The following BIRC6 variants were observed in gnomAD, a reference collection of about 807,000 sequenced individuals.
BIRC6 encodes the protein dual E2 ubiquitin-conjugating enzyme/E3 ubiquitin-protein ligase BIRC6.
Under a neutral mutation model 503.3 loss-of-function variants are expected in BIRC6, and 98 were observed. The observed-to-expected ratio is 0.19, with a 90% CI of 0.17 to 0.23. BIRC6 has a LOEUF of 0.23. BIRC6 is among the 10% of genes least tolerant of loss of function. BIRC6 has a pLI of 1.00. For missense variants in BIRC6, 5,360 were observed against 5,806.0 expected, an observed-to-expected ratio of 0.92 and a Z score of 2.50; for synonymous variants, 2,240 against 2,078.7, an observed-to-expected ratio of 1.08 and a Z score of -2.11.
chr2:32,530,075 G>T (rs931345114), intron 60 of BIRC6, among the ~76,000 whole-genome samples: 1 of 152,164 alleles, frequency 6.6e-6, no homozygotes, highest in Non-Finnish European at 1.5e-5. Context: ...TGAGAGCTAT[G>T]TGAATTGTCA....
intron 59 of BIRC6, 177 bp from the exon 60 acceptor site, chr2:32,529,474 T>C (rs1001553617): frequency 1.9e-6 from 1 of 533,664 alleles, no homozygotes; most frequent in Non-Finnish European, 3.2e-6. Flanking sequence ...CATTATTATA[T>C]GTCAGAAATA....
At chr2:32,468,325 C>G in intron 28 of BIRC6, 112 bp from the exon 29 acceptor site, 1 of 1,056,650 alleles carries the variant, frequency 9.5e-7, no homozygotes, top group Non-Finnish European at 1.3e-6. Context: ...GTGGGTAATT[C>G]TTTTTAATGG....
intron 3 of BIRC6, among the ~76,000 whole-genome samples, chr2:32,386,067 C>A (rs538250737): frequency 6.6e-6 from 1 of 152,114 alleles, no homozygotes; most frequent in African/African-American, 2.4e-5. Flanking sequence ...GACCAATCAG[C>A]GTGCTGTCAT....
chr2:32,468,223 A>T, intron 28 of BIRC6, 112 bp downstream of exon 28: 2 of 1,159,198 alleles, frequency 1.7e-6, no homozygotes, highest in African/African-American at 3.1e-5. Flanking sequence ...TAAGAGAGCA[A>T]GAGGAAGTAG....
chr2:32,545,329 C>T (rs2057982095), intron 62 of BIRC6, among the ~76,000 whole-genome samples: 1 of 152,090 alleles, frequency 6.6e-6, no homozygotes, highest in Non-Finnish European at 1.5e-5. Context: ...ACTACTAATG[C>T]TTCTTTTCTA....
chr2:32,380,433 T>C, intron 3 of BIRC6, 143 bp downstream of exon 3: 1 of 1,205,794 alleles, frequency 8.3e-7, no homozygotes, highest in Non-Finnish European at 1.1e-6. Flanking sequence ...ATAAGTCATC[T>C]TAAAGTTGAA....
At chr2:32,530,983 T>C (rs566215574) in intron 60 of BIRC6, among the ~76,000 whole-genome samples, 1 of 152,370 alleles carries the variant, frequency 6.6e-6, no homozygotes, top group East Asian at 1.9e-4. Context: ...TGAGAACTTA[T>C]TTATTTTAAC....
At chr2:32,601,756 A>G (rs899871223) in intron 70 of BIRC6, among the ~76,000 whole-genome samples, 9 of 152,208 alleles carry the variant, frequency 5.9e-5, no homozygotes, top group African/African-American at 2.2e-4. Flanking sequence ...ACAGGTGCAG[A>G]TTAAGTGTCC....
intron 65 of BIRC6, among the ~76,000 whole-genome samples, chr2:32,570,100 T>C (rs1238615745): frequency 6.6e-6 from 1 of 152,180 alleles, no homozygotes; most frequent in Non-Finnish European, 1.5e-5. Context: ...GTTCCTTCTA[T>C]GCCCAGTTTA....
At position 32,490,280 on chromosome 2, in the gene BIRC6, G is replaced by A. The variant is rs759591532; in HGVS notation, c.8206+129G>A. On this transcript the variant is annotated intron_variant, in intron 43 of 73. Coordinates refer to ENST00000421745, the MANE Select transcript of BIRC6 (RefSeq NM_016252.4). Reference sequence around the variant, plus strand: ...GTGGTTGAGTTGGCCAGATGTGGTGGCTCACGCCTGTAAACCCAGCACTTT... The same window carrying A: ...GTGGTTGAGTTGGCCAGATGTGGTGACTCACGCCTGTAAACCCAGCACTTT... 16 of 765,544 alleles carry A rather than the reference G, an allele frequency of 2.1e-5. No individual in the cohort carries two copies. The East Asian group carries it at 4.0e-4, about 19-fold the overall frequency. The allele number at this position is 765,544 out of a possible 1,614,324, so 47.4% of individuals were successfully genotyped here. A position where few individuals can be genotyped will look rare whatever the true frequency, so the allele number is the denominator to read the frequency against.
intron 2 of BIRC6, among the ~76,000 whole-genome samples, chr2:32,378,058 A>G (rs569907539): frequency 2.1e-4 from 32 of 152,252 alleles, no homozygotes; most frequent in East Asian, 3.9e-4. Context: ...CTTGTTTCCA[A>G]TAATAGTCCA....
At chr2:32,599,150 G>A (rs1203003509) in intron 69 of BIRC6, among the ~76,000 whole-genome samples, 1 of 151,404 alleles carries the variant, frequency 6.6e-6, no homozygotes, top group Admixed American at 6.6e-5. Context: ...CTGATGTGGT[G>A]AAACCTCATC....
intron 4 of BIRC6, 76 bp downstream of exon 4, chr2:32,389,019 A>T: frequency 1.0e-6 from 1 of 990,176 alleles, no homozygotes; most frequent in Non-Finnish European, 1.3e-6. Flanking sequence ...ATAACTAGAA[A>T]ATCTGGTTAT....
Position 32,583,737 on chromosome 2 carries a change from T to A in BIRC6, c.13355+8371T>A, listed in dbSNP as rs2710634. On this transcript the variant is annotated intron_variant, in intron 66 of 73. Coordinates refer to ENST00000421745, the MANE Select transcript of BIRC6 (RefSeq NM_016252.4). ...TATAATGCTAAAACGTATTGTAATT[T>A]TTTTTCCCCCTGAGACAGTCTCTCA... 7.9e-5 allele frequency among the ~76,000 whole-genome samples: 12 copies of A among 152,012 alleles called. No individual in the cohort carries two copies. The East Asian group carries it at 2.1e-3, about 27-fold the overall frequency.
chr2:32,475,159 T>A (rs1331361650), intron 33 of BIRC6, among the ~76,000 whole-genome samples: 7 of 114,254 alleles, frequency 6.1e-5, no homozygotes, highest in African/African-American at 1.8e-4. Context: ...AAGACTATCT[T>A]AAAAAAAAAA....
chr2:32,436,332 C>A, intron 15 of BIRC6, 148 bp downstream of exon 15: 1 of 675,380 alleles, frequency 1.5e-6, no homozygotes, highest in Non-Finnish European at 2.2e-6. Flanking sequence ...GAGGTCATTT[C>A]CTGTCATAAA....
chr2:32,464,705 A>G lies in BIRC6; in HGVS notation c.5138A>G (p.Asn1713Ser), dbSNP rs371731658. Residue 1713 changes from asparagine to serine, a missense_variant, in exon 25 of 74, where the codon AAT becomes AGT. This residue lies in a region of BIRC6 where 2,299 missense variants were observed against 2,267.2 expected (regional missense o/e 1.01). Coordinates refer to ENST00000421745, the MANE Select transcript of BIRC6 (RefSeq NM_016252.4). ...LFMTPPLTPP[N>S]EAVSVVINAE... is the part of the protein sequence containing the mutation. ...ATGACTCCACCACTCACTCCACCCA[A>G]TGAAGCAGTTTCCGTTGTGATTAAT... 65 of 1,613,798 alleles carry G rather than the reference A, an allele frequency of 4.0e-5. 1 individual carries two copies. The highest frequency in any genetic ancestry group is 8.9e-5 in the East Asian group (4 of 44,892).
At chr2:32,616,038 A>G (rs112678965) in intron 73 of BIRC6, among the ~76,000 whole-genome samples, 7 of 152,314 alleles carry the variant, frequency 4.6e-5, no homozygotes, top group African/African-American at 1.7e-4. Flanking sequence ...GCCACTCCCA[A>G]TTAACATGCC....
intron 59 of BIRC6, chr2:32,528,102 T>C (rs1424711321): frequency 6.6e-6 from 1 of 152,364 alleles, no homozygotes; most frequent in African/African-American, 2.4e-5. Context: ...ATCCACTTCC[T>C]GGTCCCTCAG....
Sources: gnomAD v4.1 joint callset for allele counts (sites outside exome capture counted in the v4.1 genomes callset) on GRCh38, gnomAD v4.1.1 for gene constraint, gnomAD v4.1.1 regional missense constraint, MANE v1.5 for transcripts, NCBI Gene and HGNC (gene_info 2026-07-23, HGNC 2026-07-21) for gene names.